Variants in NKAIN2 observed in about 807,000 individuals in gnomAD.
The protein encoded by NKAIN2 is sodium/potassium transporting ATPase interacting 2, also known as sodium/potassium-transporting ATPase subunit beta-1-interacting protein 2.
NKAIN2 carries 14 observed loss-of-function variants against 32.6 expected under a neutral mutation model. The observed-to-expected ratio is 0.43, with a 90% CI of 0.28 to 0.67. The LOEUF (loss-of-function observed/expected upper bound fraction) is 0.67, where lower values mean the gene tolerates loss of function less well. NKAIN2 is among the 30% of genes least tolerant of loss of function. The pLI, the probability that NKAIN2 is intolerant of heterozygous loss-of-function variation, is 0.17. For missense variants in NKAIN2, 198 were observed against 258.3 expected (o/e 0.77, Z 1.60); for synonymous variants, 80 against 87.2 (o/e 0.92, Z 0.46).
intron 3 of NKAIN2, among the ~76,000 whole-genome samples, chr6:124,547,977 A>G (rs1459298647): frequency 6.6e-6 from 1 of 152,194 alleles, no homozygotes; most frequent in African/African-American, 2.4e-5. Context: ...ACTGTCATAC[A>G]TCTGTTTCTA....
At chr6:124,156,258 T>C (rs1167572136) in intron 1 of NKAIN2, among the ~76,000 whole-genome samples, 1 of 152,148 alleles carries the variant, frequency 6.6e-6, no homozygotes, top group Non-Finnish European at 1.5e-5. Flanking sequence ...TTTCTTTTAA[T>C]TTATGCAGTT....
intron 1 of NKAIN2, among the ~76,000 whole-genome samples, chr6:124,221,968 T>G (rs192828281): frequency 3.9e-5 from 6 of 152,284 alleles, no homozygotes; most frequent in African/African-American, 1.4e-4. Flanking sequence ...ATTAATATCT[T>G]CTTGAGCAAC....
At chr6:124,732,171 G>T (rs1776714397) in intron 4 of NKAIN2, among the ~76,000 whole-genome samples, 1 of 152,062 alleles carries the variant, frequency 6.6e-6, no homozygotes, top group African/African-American at 2.4e-5. Flanking sequence ...GACTTCATCA[G>T]AAAGAGGCTC....
chr6:124,474,321 G>A (rs913775171), intron 3 of NKAIN2, among the ~76,000 whole-genome samples: 26 of 152,164 alleles, frequency 1.7e-4, no homozygotes, highest in African/African-American at 6.0e-4. Flanking sequence ...GTAAGAAATT[G>A]GTCAAAATCA....
At chr6:123,821,227 A>C (rs1773910269) in intron 1 of NKAIN2, among the ~76,000 whole-genome samples, 1 of 152,192 alleles carries the variant, frequency 6.6e-6, no homozygotes, top group Non-Finnish European at 1.5e-5. Context: ...TATTTACATC[A>C]TTTTTCTTGT....
intron 1 of NKAIN2, among the ~76,000 whole-genome samples, chr6:123,906,704 G>A (rs1774891039): frequency 6.6e-6 from 1 of 152,114 alleles, no homozygotes; most frequent in Non-Finnish European, 1.5e-5. Context: ...ATCTGTCTGT[G>A]TTATATGAAG....
intron 3 of NKAIN2, among the ~76,000 whole-genome samples, chr6:124,433,180 C>T (rs533268461): frequency 2.6e-5 from 4 of 152,190 alleles, no homozygotes; most frequent in Admixed American, 6.5e-5. Flanking sequence ...TGAAATTAGG[C>T]GGTGGAAGCA....
At chr6:123,903,624 G>C (rs552643227) in intron 1 of NKAIN2, among the ~76,000 whole-genome samples, 1 of 152,266 alleles carries the variant, frequency 6.6e-6, no homozygotes, top group African/African-American at 2.4e-5. Context: ...CAATTGGCTA[G>C]AGTCCTCTTG....
intron 3 of NKAIN2, among the ~76,000 whole-genome samples, chr6:124,481,212 G>A (rs973311423): frequency 1.4e-5 from 2 of 142,732 alleles, no homozygotes; most frequent in Non-Finnish European, 1.5e-5. Context: ...CCAATGAAAA[G>A]AAACTATCTT....
At chr6:124,787,710 G>A (rs767649816) in intron 4 of NKAIN2, among the ~76,000 whole-genome samples, 1 of 152,042 alleles carries the variant, frequency 6.6e-6, no homozygotes, top group Non-Finnish European at 1.5e-5. Flanking sequence ...TACTTTTGTA[G>A]GGGGTGCTCC....
chr6:124,702,592 T>C (rs1372849162), intron 4 of NKAIN2, among the ~76,000 whole-genome samples: 2 of 151,892 alleles, frequency 1.3e-5, no homozygotes, highest in East Asian at 1.9e-4. Context: ...AGAAAAGAAA[T>C]AGTCTCATGA....
chr6:124,559,356 G>A (rs1780599430), intron 3 of NKAIN2, among the ~76,000 whole-genome samples: 1 of 152,164 alleles, frequency 6.6e-6, no homozygotes, highest in Non-Finnish European at 1.5e-5. Context: ...TGAGTTTTGA[G>A]TGGACATACA....
At chr6:124,174,658 A>G (rs1789066495) in intron 1 of NKAIN2, among the ~76,000 whole-genome samples, 1 of 152,156 alleles carries the variant, frequency 6.6e-6, no homozygotes. Context: ...AAAGAGAGTG[A>G]GGGCAGGATT....
intron 1 of NKAIN2, among the ~76,000 whole-genome samples, chr6:123,929,581 C>A (rs1190157027): frequency 6.6e-6 from 1 of 152,104 alleles, no homozygotes; most frequent in Non-Finnish European, 1.5e-5. Flanking sequence ...CGATAACAGG[C>A]AGCCTAAATG....
intron 3 of NKAIN2, among the ~76,000 whole-genome samples, chr6:124,651,376 ACT>A (rs1784361824): frequency 6.6e-6 from 1 of 151,664 alleles, no homozygotes; most frequent in Non-Finnish European, 1.5e-5. Flanking sequence ...CCTAGGGAGG[ACT>A]CTCTGCAGTA....
At chr6:124,075,625 T>C (rs1783662412) in intron 1 of NKAIN2, among the ~76,000 whole-genome samples, 1 of 152,172 alleles carries the variant, frequency 6.6e-6, no homozygotes, top group Non-Finnish European at 1.5e-5. Flanking sequence ...AGACGGAGTC[T>C]TGATGTGTTG....
At chr6:124,146,001 G>A (rs1291020050) in intron 1 of NKAIN2, among the ~76,000 whole-genome samples, 1 of 152,138 alleles carries the variant, frequency 6.6e-6, no homozygotes, top group Non-Finnish European at 1.5e-5. Flanking sequence ...ACACATAAAT[G>A]AATTCAAGTA....
rs368269226 is a variant in NKAIN2 at position 124,523,247 on chromosome 6, A to C, written c.274-134939A>C. Among the ~76,000 whole-genome samples, 16 of 152,136 alleles carry C rather than the reference A, an allele frequency of 1.1e-4. No individual in the cohort carries two copies. The East Asian group carries it at 3.1e-3, about 29-fold the overall frequency. On this transcript the variant is annotated intron_variant, in intron 3 of 6. Transcript: ENST00000368417. ...TAAGATAGCCAGCTTCTATACCATG[A>C]GTTCAGAATTATGTTCATATGTTTT...
At chr6:124,235,398 C>T (rs566785730) in intron 1 of NKAIN2, among the ~76,000 whole-genome samples, 1 of 151,972 alleles carries the variant, frequency 6.6e-6, no homozygotes, top group African/African-American at 2.4e-5. Context: ...AAGACAACAT[C>T]ACTTCATTTT....
Sources: allele counts gnomAD v4.1 joint callset (sites outside exome capture counted in the v4.1 genomes callset), GRCh38; gene constraint gnomAD v4.1.1; transcripts MANE v1.5; gene names NCBI Gene and HGNC (gene_info 2026-07-23, HGNC 2026-07-21).